FXYD2: variants seen among roughly 807,000 people sequenced by gnomAD.
FXYD2 encodes FXYD domain containing ion transport regulator 2, also known as sodium/potassium-transporting ATPase subunit gamma.
In FXYD2, 8 loss-of-function variants were observed where a neutral mutation model predicts 11.8. That is an observed-to-expected ratio of 0.68 (90% CI 0.40 to 1.22). FXYD2 has a LOEUF of 1.22. FXYD2 is among the 50% of genes most tolerant of loss of function. FXYD2 has a pLI of 0.01. For synonymous variants in FXYD2, 42 were observed against 33.3 expected (o/e 1.26, Z -0.90); for missense variants, 92 against 91.8 (o/e 1.00, Z -0.01).
At chr11:117,826,858 G>A (rs2056051573), upstream of FXYD2, among the ~76,000 whole-genome samples, 1 of 149,548 alleles carries the variant, frequency 6.7e-6, no homozygotes, top group African/African-American at 2.5e-5. Context: ...TGACAACCCA[G>A]TCATTTCCCC....
Position 117,824,556 on chromosome 11 carries a change from G to T in FXYD2, c.25+98C>A. ...GGTACTCTGGAAGGCTGAGGTGGCA[G>T]GAGAGGGAAGAGTAGGGTCCAGCTG... On this transcript the variant is annotated intron_variant, in intron 1 of 5. Coordinates refer to ENST00000292079, the MANE Select transcript of FXYD2 (RefSeq NM_001680.5). The surrounding 1 kb of genome is among the most constrained non-coding windows in gnomAD (Gnocchi z 4.0). 4 of 969,598 alleles carry T rather than the reference G, an allele frequency of 4.1e-6. No individual in the cohort carries two copies. The highest frequency in any genetic ancestry group is 6.6e-6 in the Non-Finnish European group (4 of 602,566). The allele number at this position is 969,598 out of a possible 1,614,324, so 60.1% of individuals were successfully genotyped here.
chr11:117,820,804 C>T (rs1157151933), intron 4 of FXYD2, 55 bp downstream of exon 4: 31 of 1,613,528 alleles, frequency 1.9e-5, no homozygotes, highest in Admixed American at 6.7e-5. Flanking sequence ...ATCCTCAGCC[C>T]GCCCCTCCTT....
upstream of FXYD2, among the ~76,000 whole-genome samples, chr11:117,827,123 G>GAGAGATAC (rs2056061070): frequency 6.6e-6 from 1 of 150,458 alleles, no homozygotes; most frequent in East Asian, 2.0e-4. Context: ...TAGATAGATA[G>GAGAGATAC]ATAGATAGAT....
At position 117,820,671 on chromosome 11, in the gene FXYD2, G is replaced by A. The variant is rs869789; in HGVS notation, c.*1C>T. The A allele has an allele frequency of 0.14, 220,035 of 1,613,726 alleles. 15,993 individuals carry two copies. The highest frequency in any genetic ancestry group is 0.21 in the East Asian group (9,548 of 44,866). The stretch of plus-strand genomic sequence containing the variant: ...CCCAGGCCCTCCTAGCATACCTGCT[G>A]TTACGGCTCATCTTCATTGATTTGC... On this transcript the variant is annotated 3_prime_UTR_variant, in exon 5 of 6. Coordinates refer to ENST00000292079, the MANE Select transcript of FXYD2 (RefSeq NM_001680.5).
intron 1 of FXYD2, among the ~76,000 whole-genome samples, chr11:117,823,227 C>T (rs571484323): frequency 1.9e-4 from 29 of 152,304 alleles, no homozygotes; most frequent in South Asian, 1.7e-3. Context: ...TCCTTTCCTG[C>T]GTTACCATCC....
Position 117,822,707 on chromosome 11 carries a change from G to C in FXYD2, c.36C>G (p.Pro12=), listed in dbSNP as rs778901593. The C allele has an allele frequency of 1.2e-6, 2 of 1,610,170 alleles. No homozygotes were observed. Among genetic ancestry groups the C allele is most frequent in the Middle Eastern group, 1.7e-4 (1 of 6,022 alleles). ...AGTAGAACGGGTCCACGTCCCCCTT[G>C]GGGCTGCCGCCTAGGAGAGAGCCAG... ...TGLSMDGGGS[P]KGDVDPFYYD... is the part of the protein sequence containing the mutation. Residue 12 remains proline, a synonymous_variant, in exon 2 of 6, where the codon CCC becomes CCG. Coordinates refer to ENST00000292079, the MANE Select transcript of FXYD2 (RefSeq NM_001680.5). The surrounding 1 kb of genome is among the most constrained non-coding windows in gnomAD (Gnocchi z 4.7).
intron 3 of FXYD2, chr11:117,821,544 A>T: frequency 1.0e-6 from 1 of 985,926 alleles, no homozygotes; most frequent in African/African-American, 1.7e-5. Context: ...GAAGGATGGC[A>T]GCAACTCCAA....
upstream of FXYD2, among the ~76,000 whole-genome samples, chr11:117,826,822 A>ATCTATCTATCTATCTC (rs751194466): frequency 4.7e-4 from 65 of 138,730 alleles, no homozygotes; most frequent in South Asian, 4.8e-3. Context: ...CTATCTATCT[A>ATCTATCTATCTATCTC]TCTGTCTATC....
At chr11:117,824,968 C>G (rs767034340), upstream of FXYD2, among the ~76,000 whole-genome samples, 1 of 152,134 alleles carries the variant, frequency 6.6e-6, no homozygotes, top group Non-Finnish European at 1.5e-5. This position sits in a 1 kb window ranked among gnomAD's most constrained non-coding sequence, Gnocchi z 4.0. Flanking sequence ...GGTCAGCAGT[C>G]GTGCTGTTCT....
At position 117,824,359 on chromosome 11, in the gene FXYD2, T is replaced by A; in HGVS notation, c.25+295A>T. On this transcript the variant is annotated intron_variant, in intron 1 of 5. Transcript: ENST00000292079. The surrounding 1 kb of genome is among the most constrained non-coding windows in gnomAD (Gnocchi z 4.0). ...CCCAAGTTCAGACGGTCTAGCAAGA[T>A]GCATTGAACTCAGGGCGGGTGTGTG... 3.6e-6 allele frequency: 2 copies of A among 549,186 alleles called. No individual in the cohort carries two copies. Among genetic ancestry groups the A allele is most frequent in the South Asian group, 2.0e-5 (1 of 48,984 alleles). The allele number at this position is 549,186 out of a possible 1,614,324, so 34.0% of individuals were successfully genotyped here.
At position 117,821,150 on chromosome 11, in the gene FXYD2, G is replaced by T. The variant is rs2055892216; in HGVS notation, c.140-255C>A. ...TAGCTCACTGCAGCCTCAAACTCCT[G>T]GGCTCAAGTAATCCTCCTGCCTCAG... On this transcript the variant is annotated intron_variant, in intron 3 of 5. Transcript: ENST00000292079. The T allele has an allele frequency of 7.6e-6, 3 of 396,234 alleles. No individual in the cohort carries two copies. The South Asian group carries it at 2.1e-4, about 27-fold the overall frequency. The allele number at this position is 396,234 out of a possible 1,614,324, so 24.5% of individuals were successfully genotyped here. A position where few individuals can be genotyped will look rare whatever the true frequency, so the allele number is the denominator to read the frequency against.
chr11:117,821,695 C>T, intron 3 of FXYD2: 1 of 957,424 alleles, frequency 1.0e-6, no homozygotes, highest in Non-Finnish European at 1.2e-6. Context: ...TTGGGGTGGG[C>T]TGGCAGTGGC....
chr11:117,824,694 G>C lies in FXYD2; in HGVS notation c.-16C>G. ...ACCCAGTCATTTCCCCAGGTGAATG[G>C]GCTGCCTCCACTCCCCTCTTCCTGC... On this transcript the variant is annotated 5_prime_UTR_variant, in exon 1 of 6. Coordinates refer to ENST00000292079, the MANE Select transcript of FXYD2 (RefSeq NM_001680.5). The surrounding 1 kb of genome is among the most constrained non-coding windows in gnomAD (Gnocchi z 4.0). The C allele has an allele frequency of 1.9e-6, 3 of 1,613,864 alleles. No homozygotes were observed. The South Asian group carries it at 3.3e-5, about 18-fold the overall frequency.
Position 117,822,551 on chromosome 11 carries a change from C to G in FXYD2, c.65-71G>C. On this transcript the variant is annotated intron_variant, in intron 2 of 5. Transcript: ENST00000292079. The surrounding 1 kb of genome is among the most constrained non-coding windows in gnomAD (Gnocchi z 4.7). ...AGCAGCTGTCTCTCTCCGCAGCCTG[C>G]CCGCAGCAGCCCGTGGTAACCAGGG... The G allele has an allele frequency of 6.4e-7, 1 of 1,557,658 alleles. No individual in the cohort carries two copies. Among genetic ancestry groups the G allele is most frequent in the Non-Finnish European group, 8.7e-7 (1 of 1,150,078 alleles).
chr11:117,821,854 T>G, intron 3 of FXYD2: 1 of 998,112 alleles, frequency 1.0e-6, no homozygotes, highest in Non-Finnish European at 1.2e-6. Context: ...TTTCCATGGG[T>G]TGTGTTTTCT....
rs2055991124 is a variant in FXYD2, at chr11:117,824,463, G to T, written c.25+191C>A. ...TGCCACTCAAGCTATCTTTCTTTGG[G>T]GTTAAAGCAGGGTCCTCCTTTAAGT... On this transcript the variant is annotated intron_variant, in intron 1 of 5. Transcript: ENST00000292079. The surrounding 1 kb of genome is among the most constrained non-coding windows in gnomAD (Gnocchi z 4.0). 4.6e-6 allele frequency: 3 copies of T among 654,822 alleles called. No individual in the cohort carries two copies. The highest frequency in any genetic ancestry group is 8.4e-6 in the Non-Finnish European group (3 of 358,324). 40.6% of individuals were successfully genotyped at this position (654,822 alleles called of 1,614,324 possible). A position where few individuals can be genotyped will look rare whatever the true frequency, so the allele number is the denominator to read the frequency against.
In FXYD2 at chr11:117,822,540, T is replaced by C. The variant is rs529623; in HGVS notation, c.65-60A>G. ...TGGTCTCTCCCAGCAGCTGTCTCTC[T>C]CCGCAGCCTGCCCGCAGCAGCCCGT... On this transcript the variant is annotated intron_variant, in intron 2 of 5. Coordinates refer to ENST00000292079, the MANE Select transcript of FXYD2 (RefSeq NM_001680.5). This position sits in a 1 kb window ranked among gnomAD's most constrained non-coding sequence, Gnocchi z 4.7. The C allele has an allele frequency of 0.52, 804,411 of 1,555,572 alleles. 211,077 individuals are homozygous for C. Among genetic ancestry groups the C allele is most frequent in the Admixed American group, 0.58 (29,558 of 51,068 alleles).
In FXYD2 at chr11:117,822,223, C is replaced by T. The variant is rs2055922671; in HGVS notation, c.139+183G>A. The T allele has an allele frequency of 6.7e-7, 1 of 1,493,408 alleles. No individual in the cohort carries two copies. Among genetic ancestry groups the T allele is most frequent in the South Asian group, 1.3e-5 (1 of 77,090 alleles). The allele number at this position is 1,493,408 out of a possible 1,614,324, so 92.5% of individuals were successfully genotyped here. On this transcript the variant is annotated intron_variant, in intron 3 of 5. Coordinates refer to ENST00000292079, the MANE Select transcript of FXYD2 (RefSeq NM_001680.5). The surrounding 1 kb of genome is among the most constrained non-coding windows in gnomAD (Gnocchi z 4.7). Reference sequence around the variant, plus strand: ...AGGGTGCACTTGAGCAAGCAGGAACCTCACACTGTGCTCCCAGCGAGCCTG... The same window carrying T: ...AGGGTGCACTTGAGCAAGCAGGAACTTCACACTGTGCTCCCAGCGAGCCTG...
chr11:117,820,979 C>T (rs2055888249), intron 3 of FXYD2, 84 bp from the exon 4 acceptor site: 1 of 1,596,166 alleles, frequency 6.3e-7, no homozygotes, highest in Non-Finnish European at 8.6e-7. Context: ...CCAGTCTCTC[C>T]TACCTCCCTC....
Sources: gnomAD v4.1 joint callset for allele counts (sites outside exome capture counted in the v4.1 genomes callset) on GRCh38, gnomAD v4.1.1 for gene constraint, Gnocchi (gnomAD v3.1) non-coding constraint, MANE v1.5 for transcripts, NCBI Gene and HGNC (gene_info 2026-07-23, HGNC 2026-07-21) for gene names.